Variants in TBATA observed in about 807,000 individuals in gnomAD.
The protein encoded by TBATA is thymus, brain and testes associated.
Under a neutral mutation model 38.7 loss-of-function variants are expected in TBATA, and 47 were observed. The observed-to-expected ratio is 1.21, with a 90% CI of 0.96 to 1.55. The LOEUF is 1.55. Ranked by LOEUF, TBATA falls within the 40% of genes most tolerant of loss-of-function variation. The probability of loss-of-function intolerance (pLI) is 0.00; values close to 1 mark genes in which losing one functional copy is unlikely to be tolerated. For synonymous variants in TBATA, 183 were observed against 170.5 expected (o/e 1.07, Z -0.57); for missense variants, 436 against 435.6 (o/e 1.00, Z -0.01).
Position 70,784,991 on chromosome 10 carries a change from T to A in TBATA, c.-273-218A>T, listed in dbSNP as rs77505184. 3.1e-3 allele frequency among the ~76,000 whole-genome samples: 467 copies of A among 151,096 alleles called. 1 individual carries two copies. The highest frequency in any genetic ancestry group is 0.011 in the African/African-American group (437 of 41,146). Reference sequence around the variant, plus strand: ...TGGTTTTTATTTCTTAAATGTTAGATATGATCCATTTAAATTGATCTAATA... The same window carrying A: ...TGGTTTTTATTTCTTAAATGTTAGAAATGATCCATTTAAATTGATCTAATA... On this transcript the variant is annotated intron_variant, in intron 1 of 10. Coordinates refer to ENST00000456372, the MANE Select transcript of TBATA (RefSeq NM_001318241.2).
At chr10:70,779,891 T>A in intron 4 of TBATA, 149 bp from the exon 5 acceptor site, 1 of 824,616 alleles carries the variant, frequency 1.2e-6, no homozygotes, top group Non-Finnish European at 1.8e-6. Flanking sequence ...GGGAGGGCAT[T>A]GTAACCACCT....
At chr10:70,774,386 T>TCAGCCCC (rs1309949353) in intron 8 of TBATA, 29 bp from the exon 9 acceptor site, 1 of 1,556,988 alleles carries the variant, frequency 6.4e-7, no homozygotes, top group Non-Finnish European at 8.7e-7. Flanking sequence ...GGCAGTGTCC[T>TCAGCCCC]CAGCCCCCAG....
In TBATA at chr10:70,775,693, T is replaced by A. The variant is rs563658857; in HGVS notation, c.694-423A>T. Reference sequence around the variant, plus strand: ...GTCAGCTCCTCAGAGACACACCAAATCCCACATGCCCAGGGCCTTGGTGTG... The same window carrying A: ...GTCAGCTCCTCAGAGACACACCAAAACCCACATGCCCAGGGCCTTGGTGTG... On this transcript the variant is annotated intron_variant, in intron 7 of 10. Transcript: ENST00000456372. Among the ~76,000 whole-genome samples the A allele has an allele frequency of 3.3e-5, 5 of 152,092 alleles. No homozygotes were observed. The East Asian group carries it at 9.7e-4, about 30-fold the overall frequency.
At chr10:70,772,214 C>G (rs1321940930) in intron 10 of TBATA, 1 of 588,398 alleles carries the variant, frequency 1.7e-6, no homozygotes, top group East Asian at 3.8e-5. Flanking sequence ...CTTACAGTAT[C>G]TGTCTCCACT....
intron 4 of TBATA, among the ~76,000 whole-genome samples, chr10:70,780,376 T>C (rs1412345246): frequency 6.6e-6 from 1 of 152,092 alleles, no homozygotes; most frequent in East Asian, 1.9e-4. Flanking sequence ...GTCTCCTCCC[T>C]GAAACACTTC....
At chr10:70,772,489 A>G (rs757959045) in intron 10 of TBATA, 25 bp downstream of exon 10, 26 of 1,613,032 alleles carry the variant, frequency 1.6e-5, no homozygotes, top group Non-Finnish European at 2.2e-5. Flanking sequence ...GAGTCCCCCA[A>G]ATGACCCACT....
chr10:70,774,368 A>G lies in TBATA; in HGVS notation c.776-11T>C. 6.3e-7 allele frequency: 1 copy of G among 1,578,520 alleles called. No individual in the cohort carries two copies. On this transcript the variant is annotated splice_polypyrimidine_tract_variant and intron_variant, in intron 8 of 10. Coordinates refer to ENST00000456372, the MANE Select transcript of TBATA (RefSeq NM_001318241.2). ...GAGCGAGGTCTTTTTCTGAAAGCAC[A>G]GCCCGGGGGCAGTGTCCTCAGCCCC...
intron 3 of TBATA, 194 bp from the exon 4 acceptor site, chr10:70,782,230 T>C: frequency 7.3e-7 from 1 of 1,377,830 alleles, no homozygotes; most frequent in Non-Finnish European, 1.0e-6. Context: ...GGTGCAATCC[T>C]GTCCTGGTTA....
In TBATA at chr10:70,779,628, TCTCCAATG is replaced by T; in HGVS notation, c.384_391del (p.Ile129ProfsTer4). On this transcript the variant is annotated frameshift_variant, in exon 5 of 11. Coordinates refer to ENST00000456372, the MANE Select transcript of TBATA (RefSeq NM_001318241.2). LOFTEE classifies it high-confidence loss of function. The stretch of plus-strand genomic sequence containing the variant: ...CTGGGGGTTCCGATTAGACTGTGGG[TCTCCAATG>T]GGGACAGAGATGGTGGGTATCCCCA... 6.6e-7 allele frequency: 1 copy of T among 1,524,218 alleles called. No individual in the cohort carries two copies. The highest frequency in any genetic ancestry group is 1.5e-5 in the African/African-American group (1 of 68,688). 94.4% of individuals were successfully genotyped at this position (1,524,218 alleles called of 1,614,324 possible). A position where few individuals can be genotyped will look rare whatever the true frequency, so the allele number is the denominator to read the frequency against.
chr10:70,771,436 G>A lies in TBATA; in HGVS notation c.999C>T (p.Leu333=). 6.2e-7 allele frequency: 1 copy of A among 1,614,108 alleles called. No homozygotes were observed. The highest frequency in any genetic ancestry group is 8.5e-7 in the Non-Finnish European group (1 of 1,180,006). The change falls in exon 11 of 11, where the codon CTC becomes CTT. Residue 333 remains leucine, a synonymous_variant. Coordinates refer to ENST00000456372, the MANE Select transcript of TBATA (RefSeq NM_001318241.2). Reference sequence around the variant, plus strand: ...CTGTGTTCTGGCTTGAATGCATCTGGAGGACTTGAGCTTCTCCAATGTACT... The same window carrying A: ...CTGTGTTCTGGCTTGAATGCATCTGAAGGACTTGAGCTTCTCCAATGTACT... ...KPEYIGEAQV[L]QMHSSQNTEK... is the part of the protein sequence containing the mutation.
chr10:70,783,930 A>T (rs1318927148), intron 2 of TBATA, among the ~76,000 whole-genome samples: 1 of 152,262 alleles, frequency 6.6e-6, no homozygotes, highest in Non-Finnish European at 1.5e-5. Context: ...GTAGAACAAG[A>T]TATATGCATT....
chr10:70,772,048 C>G (rs1842845932), intron 10 of TBATA, among the ~76,000 whole-genome samples: 1 of 152,154 alleles, frequency 6.6e-6, no homozygotes, highest in Non-Finnish European at 1.5e-5. Context: ...CCATGGTCTG[C>G]TTGTTTTTCC....
chr10:70,779,743 C>G lies in TBATA; in HGVS notation c.278-1G>C, dbSNP rs1843904834. ...ACACAGACAGGCTTCCCGGTGAGATCTGCAAAGGGTTAGAGGCTGTGGGAA... is the reference window on the plus strand; with the variant it reads ...ACACAGACAGGCTTCCCGGTGAGATGTGCAAAGGGTTAGAGGCTGTGGGAA... On this transcript the variant is annotated splice_acceptor_variant, in intron 4 of 10. Transcript: ENST00000456372. LOFTEE classifies it high-confidence loss of function. 2 of 1,535,874 alleles carry G rather than the reference C, an allele frequency of 1.3e-6. No homozygotes were observed. The highest frequency in any genetic ancestry group is 2.5e-5 in the South Asian group (2 of 78,574).
chr10:70,771,446 G>A lies in TBATA; in HGVS notation c.989C>T (p.Ala330Val), dbSNP rs770745356. The A allele has an allele frequency of 6.2e-7, 1 of 1,614,062 alleles. No homozygotes were observed. Among genetic ancestry groups the A allele is most frequent in the South Asian group, 1.1e-5 (1 of 91,064 alleles). Residue 330 changes from alanine (A) to valine (V), a missense_variant, in exon 11 of 11, where the codon GCT (alanine) becomes GTT (valine). Ala to Val is a moderately conservative substitution (Grantham distance 64). Transcript: ENST00000456372. The stretch of plus-strand genomic sequence containing the variant: ...GCTTGAATGCATCTGGAGGACTTGA[G>A]CTTCTCCAATGTACTCTAGTGGGAG... ...KSEKPEYIGE[A>V]QVLQMHSSQN...
rs1290507272 is a variant in TBATA at position 70,777,070 on chromosome 10, C to T, written c.693+83G>A. 6.2e-6 allele frequency: 9 copies of T among 1,449,830 alleles called. No individual in the cohort carries two copies. The Admixed American group carries it at 2.0e-4, about 32-fold the overall frequency. 89.8% of individuals were successfully genotyped at this position (1,449,830 alleles called of 1,614,324 possible). A position where few individuals can be genotyped will look rare whatever the true frequency, so the allele number is the denominator to read the frequency against. Reference sequence around the variant, plus strand: ...TTAACAGTCCTAGGCACCAGTATCCCTGGGAGGGGCCTTGCCCTAAAGCGG... The same window carrying T: ...TTAACAGTCCTAGGCACCAGTATCCTTGGGAGGGGCCTTGCCCTAAAGCGG... On this transcript the variant is annotated intron_variant, in intron 7 of 10. Coordinates refer to ENST00000456372, the MANE Select transcript of TBATA (RefSeq NM_001318241.2).
At chr10:70,779,528 A>G in intron 5 of TBATA, 65 bp downstream of exon 5, 1 of 1,423,096 alleles carries the variant, frequency 7.0e-7, no homozygotes, top group Non-Finnish European at 9.2e-7. Context: ...CACCCACCCA[A>G]GTGAGGCAGC....
chr10:70,783,674 T>C (rs1844541514), intron 2 of TBATA, 149 bp from the exon 3 acceptor site: 2 of 328,512 alleles, frequency 6.1e-6, no homozygotes, highest in African/African-American at 2.1e-5. Context: ...CTGTTCAAAA[T>C]AGCAAAAACC....
At position 70,772,563 on chromosome 10, in the gene TBATA, T is replaced by C; in HGVS notation, c.924A>G (p.Gln308=). The C allele has an allele frequency of 2.5e-6, 4 of 1,614,136 alleles. No homozygotes were observed. The highest frequency in any genetic ancestry group is 3.4e-6 in the Non-Finnish European group (4 of 1,180,008). The change falls in exon 10 of 11, where the codon CAA becomes CAG. Residue 308 remains glutamine (Q), a synonymous_variant. Transcript: ENST00000456372. The stretch of plus-strand genomic sequence containing the variant: ...GTGATATCTTCGTTTTCTTCGGGGA[T>C]TGACTGTGACCAAATACAAAGAAGG... The part of the protein sequence containing the change: ...PQEKQEPPCS[Q]SPKKTKISPF...
chr10:70,774,621 G>A (rs1014972082), intron 8 of TBATA, among the ~76,000 whole-genome samples: 3 of 152,032 alleles, frequency 2.0e-5, no homozygotes, highest in Admixed American at 1.3e-4. Context: ...CCATATCCCC[G>A]GGCCCACGCT....
Sources: allele counts gnomAD v4.1 joint callset (sites outside exome capture counted in the v4.1 genomes callset), GRCh38; gene constraint gnomAD v4.1.1; transcripts MANE v1.5; gene names NCBI Gene and HGNC (gene_info 2026-07-23, HGNC 2026-07-21).